MBOAT7: variants seen among roughly 807,000 people sequenced by gnomAD.
The protein encoded by MBOAT7 is membrane-bound acylglycerophosphatidylinositol O-acyltransferase MBOAT7.
Under a neutral mutation model 47.4 loss-of-function variants are expected in MBOAT7, and 40 were observed. The ratio of observed to expected loss-of-function variants is 0.84; its 90% CI spans 0.66 to 1.10. The LOEUF is 1.10. Among genes scored for constraint, MBOAT7 ranks in the 50% least tolerant of loss-of-function variants. The probability of loss-of-function intolerance (pLI) is 0.00; values close to 1 mark genes in which losing one functional copy is unlikely to be tolerated. For missense variants in MBOAT7, 680 were observed against 655.6 expected, an observed-to-expected ratio of 1.04 and a Z score of -0.41; for synonymous variants, 361 against 292.0, an observed-to-expected ratio of 1.24 and a Z score of -2.41.
chr19:54,177,606 A>G (rs932652083), intron 7 of MBOAT7, among the ~76,000 whole-genome samples: 1 of 142,724 alleles, frequency 7.0e-6, no homozygotes, highest in Admixed American at 7.1e-5. Context: ...ATTTTATTTT[A>G]TTTTGAGACA....
In MBOAT7 at chr19:54,181,044, C is replaced by T. The variant is rs763416489; in HGVS notation, c.583G>A (p.Ala195Thr). Reference protein sequence around the residue: ...VPSLRPLLRRAWPAPLFGLLF... With the variant: ...VPSLRPLLRRTWPAPLFGLLF... The stretch of plus-strand genomic sequence containing the variant: ...AGGCCGAAGAGCGGGGCCGGCCAGG[C>T]GCGGCGCAGCAGGGGCCGCAGGCTG... The change falls in exon 6 of 8, where the codon GCC (alanine) becomes ACC (threonine). Residue 195 changes from alanine (A) to threonine (T), a missense_variant. Coordinates refer to ENST00000245615, the MANE Select transcript of MBOAT7 (RefSeq NM_024298.5). 6 of 1,547,054 alleles carry T rather than the reference C, an allele frequency of 3.9e-6. No homozygotes were observed. The highest frequency in any genetic ancestry group is 1.4e-5 in the African/African-American group (1 of 73,282).
At chr19:54,176,208 C>T (rs558820550) in intron 7 of MBOAT7, among the ~76,000 whole-genome samples, 42 of 152,094 alleles carry the variant, frequency 2.8e-4, no homozygotes, top group African/African-American at 9.4e-4. Flanking sequence ...TGGCTGGTCT[C>T]GAACTCCTGA....
chr19:54,183,688 G>A lies in MBOAT7; in HGVS notation c.334-8C>T. 1 of 1,543,016 alleles carries A rather than the reference G, an allele frequency of 6.5e-7. No individual in the cohort carries two copies. The highest frequency in any genetic ancestry group is 8.7e-7 in the Non-Finnish European group (1 of 1,145,496). On this transcript the variant is annotated splice_region_variant and splice_polypyrimidine_tract_variant and intron_variant, in intron 4 of 7. Coordinates refer to ENST00000245615, the MANE Select transcript of MBOAT7 (RefSeq NM_024298.5). ...ACTGGCCAGGCTCACCAGCTGGGCA[G>A]AAGGGGGTGGGCAAGGGGCCAGGTC...
chr19:54,178,783 G>A lies in MBOAT7; in HGVS notation c.1013C>T (p.Ala338Val), dbSNP rs754379538. 1 of 1,613,442 alleles carries A rather than the reference G, an allele frequency of 6.2e-7. No individual in the cohort carries two copies. Among genetic ancestry groups the A allele is most frequent in the Non-Finnish European group, 8.5e-7 (1 of 1,180,008 alleles). Residue 338 changes from alanine (A) to valine (V), a missense_variant, in exon 7 of 8, where the codon GCC becomes GTC. Physicochemically the swap from Ala to Val is moderately conservative, Grantham distance 64. Transcript: ENST00000245615. The stretch of plus-strand genomic sequence containing the variant: ...CACTCACCGCAGGACATAGGAACGG[G>A]CAGGTGCGCTCTTGTAGATATACTG... The part of the protein sequence containing the change: ...LAQYIYKSAP[A>V]RSYVLRSAWT...
At chr19:54,184,353 C>A (rs1421587564) in intron 4 of MBOAT7, among the ~76,000 whole-genome samples, 1 of 151,900 alleles carries the variant, frequency 6.6e-6, no homozygotes, top group East Asian at 1.9e-4. Flanking sequence ...AAGTTTGAGT[C>A]TGTTGCCTCT....
chr19:54,177,823 G>A (rs932672579), intron 7 of MBOAT7, among the ~76,000 whole-genome samples: 1 of 147,968 alleles, frequency 6.8e-6, no homozygotes, highest in Non-Finnish European at 1.5e-5. Context: ...ACCTCAAGAT[G>A]ATCCACCTGC....
intron 5 of MBOAT7, among the ~76,000 whole-genome samples, chr19:54,182,540 T>C (rs2076316931): frequency 6.6e-6 from 1 of 151,670 alleles, no homozygotes; most frequent in Admixed American, 6.6e-5. Flanking sequence ...CCAAGAGTTG[T>C]ATGTTTTAAG....
At chr19:54,175,229 T>C (rs113454931) in intron 7 of MBOAT7, among the ~76,000 whole-genome samples, 3,843 of 152,216 alleles carry the variant, frequency 0.025, 116 homozygotes, top group African/African-American at 0.071. Flanking sequence ...CTGCCCGCCT[T>C]GGCCTCCCAA....
intron 6 of MBOAT7, 186 bp from the exon 7 acceptor site, chr19:54,179,127 G>T: frequency 1.4e-6 from 1 of 728,314 alleles, no homozygotes; most frequent in Non-Finnish European, 2.2e-6. Context: ...GGGTAGGAAG[G>T]TGGGTGGGCT....
chr19:54,179,081 G>T, intron 6 of MBOAT7, 140 bp from the exon 7 acceptor site: 1 of 1,220,480 alleles, frequency 8.2e-7, no homozygotes, highest in Non-Finnish European at 1.1e-6. Flanking sequence ...AGACTTGCTA[G>T]GGCAGCAAGG....
chr19:54,177,368 T>A (rs1325356256), intron 7 of MBOAT7, among the ~76,000 whole-genome samples: 1 of 151,770 alleles, frequency 6.6e-6, no homozygotes, highest in Non-Finnish European at 1.5e-5. Flanking sequence ...CGATCTCGGC[T>A]CACTGCAAGC....
At position 54,183,578 on chromosome 19, in the gene MBOAT7, C is replaced by T. The variant is rs2076346353; in HGVS notation, c.436G>A (p.Val146Met). The T allele has an allele frequency of 2.5e-6, 4 of 1,608,162 alleles. No homozygotes were observed. Among genetic ancestry groups the T allele is most frequent in the African/African-American group, 1.3e-5 (1 of 74,634 alleles). ...CTGAGTGTCTCCATCAGGGAGGGCA[C>T]GTCGGGCAGCAGCCCCAGGGTGGGC... Reference protein sequence around the residue: ...KGPTLGLLPDVPSLMETLSYS... With the variant: ...KGPTLGLLPDMPSLMETLSYS... The change falls in exon 5 of 8, where the codon GTG becomes ATG. Residue 146 changes from valine (V) to methionine (M), a missense_variant. By Grantham distance (21) the Val-to-Met change is conservative. Transcript: ENST00000245615.
intron 3 of MBOAT7, among the ~76,000 whole-genome samples, chr19:54,188,015 C>CAGAAAGAAAGAAAGAAAGAAAGAA (rs374807150): frequency 3.6e-4 from 28 of 78,378 alleles, no homozygotes; most frequent in African/African-American, 1.1e-3. Flanking sequence ...AACTCCATCT[C>CAGAAAGAAAGAAAGAAAGAAAGAA]AGAAAGAAAG....
In MBOAT7 at chr19:54,174,374, G is replaced by A. The variant is rs893812247; in HGVS notation, c.1089C>T (p.Tyr363=). ...AYWHGLHPGY[Y]LSFLTIPLCL... Reference sequence around the variant, plus strand: ...ACAGCGGGATGGTCAGGAAGCTCAGGTAGTAGCCCGGGTGGAGGCCGTGCC... The same window carrying A: ...ACAGCGGGATGGTCAGGAAGCTCAGATAGTAGCCCGGGTGGAGGCCGTGCC... The change falls in exon 8 of 8, where the codon TAC becomes TAT. Residue 363 remains tyrosine (Y), a synonymous_variant. Coordinates refer to ENST00000245615, the MANE Select transcript of MBOAT7 (RefSeq NM_024298.5). The A allele has an allele frequency of 8.1e-6, 13 of 1,609,600 alleles. No individual in the cohort carries two copies. Among genetic ancestry groups the A allele is most frequent in the Non-Finnish European group, 1.1e-5 (13 of 1,177,816 alleles).
chr19:54,183,346 G>A (rs991809456), intron 5 of MBOAT7, among the ~76,000 whole-genome samples, 175 bp downstream of exon 5: 4 of 152,232 alleles, frequency 2.6e-5, no homozygotes, highest in African/African-American at 9.6e-5. Flanking sequence ...CTACCCCAAA[G>A]CAGCTCTGGT....
At chr19:54,189,013 G>A (rs12981344) in intron 1 of MBOAT7, among the ~76,000 whole-genome samples, 25,496 of 141,216 alleles carry the variant, frequency 0.18, 2,822 homozygotes, top group Non-Finnish European at 0.24. Context: ...CGGCCCTTGT[G>A]AAACCAGATA....
Position 54,180,466 on chromosome 19 carries a change from T to G in MBOAT7, c.854+307A>C. On this transcript the variant is annotated intron_variant, in intron 6 of 7. Transcript: ENST00000245615. This position sits in a 1 kb window ranked among gnomAD's most constrained non-coding sequence, Gnocchi z 5.2. ...GCAGGAACAATCTGGTTCTGGGGGGTGACACTTCTGTGGCAACAGAGGGGT... is the reference window on the plus strand; with the variant it reads ...GCAGGAACAATCTGGTTCTGGGGGGGGACACTTCTGTGGCAACAGAGGGGT... 1.0e-5 allele frequency: 3 copies of G among 292,702 alleles called. No individual in the cohort carries two copies. Among genetic ancestry groups the G allele is most frequent in the South Asian group, 1.0e-4 (1 of 9,832 alleles). 18.1% of individuals were successfully genotyped at this position (292,702 alleles called of 1,614,324 possible).
intron 3 of MBOAT7, among the ~76,000 whole-genome samples, 188 bp downstream of exon 3, chr19:54,188,029 G>A (rs1004527382): frequency 9.4e-6 from 1 of 106,238 alleles, no homozygotes; most frequent in Non-Finnish European, 1.9e-5. Context: ...AAGAAAGAAA[G>A]AAAGAAAGAA....
Position 54,174,226 on chromosome 19 carries a change from C to T in MBOAT7, c.1237G>A (p.Gly413Ser), listed in dbSNP as rs779293140. ...TCGGCCAAGGAGAGCAGCACGAAGC[C>T]CATGCACATGTAGTCATAGGCGCGC... Reference protein sequence around the residue: ...KMRAYDYMCMGFVLLSLADTL... With the variant: ...KMRAYDYMCMSFVLLSLADTL... The change falls in exon 8 of 8, where the codon GGC (glycine) becomes AGC (serine). Residue 413 changes from glycine (G) to serine (S), a missense_variant. Transcript: ENST00000245615. The T allele has an allele frequency of 1.9e-6, 3 of 1,603,516 alleles. No homozygotes were observed. Among genetic ancestry groups the T allele is most frequent in the South Asian group, 2.2e-5 (2 of 90,338 alleles).
Sources: gnomAD v4.1 joint callset for allele counts (sites outside exome capture counted in the v4.1 genomes callset) on GRCh38, gnomAD v4.1.1 for gene constraint, Gnocchi (gnomAD v3.1) non-coding constraint, MANE v1.5 for transcripts, NCBI Gene and HGNC (gene_info 2026-07-23, HGNC 2026-07-21) for gene names.